Variants in ZNF804B observed in about 807,000 individuals in gnomAD.
ZNF804B encodes the protein zinc finger 804B.
In ZNF804B, 80 loss-of-function variants were observed where a neutral mutation model predicts 101.4. That is an observed-to-expected ratio of 0.79 (90% CI 0.66 to 0.95). The LOEUF is 0.95. Ranked by LOEUF, ZNF804B falls within the 40% of genes least tolerant of loss-of-function variation. The pLI is 0.00. For missense variants in ZNF804B, 1,673 were observed against 1,561.9 expected (o/e 1.07, Z -1.20); for synonymous variants, 622 against 558.8 (o/e 1.11, Z -1.59).
intron 1 of ZNF804B, among the ~76,000 whole-genome samples, chr7:89,176,591 C>CTTTTTTTTTTTTTTTTTTTTTTTTTTT (rs35866405): frequency 5.6e-5 from 4 of 71,940 alleles, no homozygotes; most frequent in Admixed American, 3.4e-4. Flanking sequence ...TTCTTTCTTT[C>CTTTTTTTTTTTTTTTTTTTTTTTTTTT]TTTTTTTTTT....
intron 1 of ZNF804B, among the ~76,000 whole-genome samples, chr7:89,084,974 G>T (rs1789766853): frequency 6.6e-6 from 1 of 151,760 alleles, no homozygotes; most frequent in Non-Finnish European, 1.5e-5. Context: ...ATTACTGAAA[G>T]AAAAAGACAA....
intron 1 of ZNF804B, among the ~76,000 whole-genome samples, chr7:88,856,966 C>G (rs1473526030): frequency 2.6e-5 from 4 of 152,104 alleles, no homozygotes; most frequent in South Asian, 2.1e-4. Flanking sequence ...CCCACTTGAT[C>G]ATGGTGGATA....
At chr7:88,924,552 G>C (rs1792768162) in intron 1 of ZNF804B, among the ~76,000 whole-genome samples, 1 of 151,996 alleles carries the variant, frequency 6.6e-6, no homozygotes, top group African/African-American at 2.4e-5. Flanking sequence ...TATACCCCCT[G>C]CATTTACTTC....
intron 1 of ZNF804B, among the ~76,000 whole-genome samples, chr7:89,069,353 G>C (rs1789500734): frequency 6.6e-6 from 1 of 152,130 alleles, no homozygotes; most frequent in African/African-American, 2.4e-5. Context: ...TCTCAAATGA[G>C]ACTATGTATG....
At chr7:89,224,382 A>T (rs1789049516) in intron 2 of ZNF804B, among the ~76,000 whole-genome samples, 1 of 152,044 alleles carries the variant, frequency 6.6e-6, no homozygotes, top group South Asian at 2.1e-4. Context: ...CTTGCTCTGG[A>T]TAACATATCA....
At position 88,845,032 on chromosome 7, in the gene ZNF804B, C is replaced by T. The variant is rs536189382; in HGVS notation, c.108+84948C>T. Among the ~76,000 whole-genome samples, 6 of 152,240 alleles carry T rather than the reference C, an allele frequency of 3.9e-5. No homozygotes were observed. In the South Asian group the frequency reaches 1.0e-3, roughly 26 times the overall value. On this transcript the variant is annotated intron_variant, in intron 1 of 3. Transcript: ENST00000333190. ...TTTATTTTTAAAAGAACTTAGTTTC[C>T]TCCTTCTTTCCAATCCCATGAAGAT...
chr7:89,272,308 C>T (rs1258310333), intron 2 of ZNF804B, among the ~76,000 whole-genome samples: 1 of 152,054 alleles, frequency 6.6e-6, no homozygotes. Context: ...TTTGATCATA[C>T]TTAATTTATT....
intron 1 of ZNF804B, among the ~76,000 whole-genome samples, chr7:89,162,415 C>A (rs1429746677): frequency 6.6e-6 from 1 of 151,716 alleles, no homozygotes; most frequent in Non-Finnish European, 1.5e-5. Context: ...AGCTTTTGAC[C>A]CAAAAATAGA....
At chr7:89,274,877 C>T (rs1789954724) in intron 2 of ZNF804B, among the ~76,000 whole-genome samples, 2 of 151,852 alleles carry the variant, frequency 1.3e-5, no homozygotes, top group Non-Finnish European at 2.9e-5. Flanking sequence ...ATCTCCCATC[C>T]TCCAAATATT....
At chr7:89,189,332 A>T (rs574436959) in intron 1 of ZNF804B, among the ~76,000 whole-genome samples, 1 of 152,260 alleles carries the variant, frequency 6.6e-6, no homozygotes, top group South Asian at 2.1e-4. Context: ...AAGAGCTCTG[A>T]TGAAGATGTA....
chr7:89,134,176 T>C (rs1388661265), intron 1 of ZNF804B, among the ~76,000 whole-genome samples: 1 of 152,152 alleles, frequency 6.6e-6, no homozygotes, highest in Non-Finnish European at 1.5e-5. Context: ...GGCAACATTT[T>C]GTAGACTTGT....
At chr7:89,233,008 G>A (rs1053652135) in intron 2 of ZNF804B, among the ~76,000 whole-genome samples, 3 of 152,072 alleles carry the variant, frequency 2.0e-5, no homozygotes, top group Admixed American at 6.6e-5. Flanking sequence ...TGCAAGCTCC[G>A]CCTCCCGGGT....
intron 1 of ZNF804B, among the ~76,000 whole-genome samples, chr7:88,863,811 G>T (rs1316566890): frequency 6.6e-6 from 1 of 152,182 alleles, no homozygotes; most frequent in Non-Finnish European, 1.5e-5. Flanking sequence ...TGTCTGTCTG[G>T]AGGCAGAAAC....
intron 1 of ZNF804B, among the ~76,000 whole-genome samples, chr7:88,776,706 C>T (rs1196499500): frequency 1.3e-5 from 2 of 150,278 alleles, no homozygotes; most frequent in African/African-American, 4.9e-5. Flanking sequence ...TGCTGGGAAG[C>T]ATCCAACCTC....
chr7:89,017,831 A>G (rs868578321), intron 1 of ZNF804B, among the ~76,000 whole-genome samples: 1 of 152,008 alleles, frequency 6.6e-6, no homozygotes, highest in African/African-American at 2.4e-5. Context: ...TTGTTTGTGT[A>G]TAGAAATTAT....
At chr7:89,197,519 G>C (rs1202980247) in intron 1 of ZNF804B, among the ~76,000 whole-genome samples, 1 of 151,594 alleles carries the variant, frequency 6.6e-6, no homozygotes, top group Non-Finnish European at 1.5e-5. Context: ...TCTTCCATTG[G>C]CTGTTTGATT....
Position 88,913,186 on chromosome 7 carries a change from GCT to G in ZNF804B, c.108+153103_108+153104del, listed in dbSNP as rs1792575380. 3.3e-5 allele frequency among the ~76,000 whole-genome samples: 5 copies of G among 152,112 alleles called. No individual in the cohort carries two copies. In the South Asian group the frequency reaches 1.0e-3, roughly 32 times the overall value. Reference sequence around the variant, plus strand: ...TTCTCATTTATTTAATTTTCACTTTGCTGTATGATTCCTACCAGTTAAGACAG... The same window carrying G: ...TTCTCATTTATTTAATTTTCACTTTGGTATGATTCCTACCAGTTAAGACAG... On this transcript the variant is annotated intron_variant, in intron 1 of 3. Coordinates refer to ENST00000333190, the MANE Select transcript of ZNF804B (RefSeq NM_181646.5).
intron 1 of ZNF804B, among the ~76,000 whole-genome samples, chr7:88,790,948 A>G (rs1790371327): frequency 6.6e-6 from 1 of 152,156 alleles, no homozygotes; most frequent in Non-Finnish European, 1.5e-5. Flanking sequence ...AAGACATTAT[A>G]TCAGTGACCT....
At chr7:88,794,287 T>G in intron 1 of ZNF804B, 2 of 1,613,864 alleles carry the variant, frequency 1.2e-6, no homozygotes, top group Non-Finnish European at 1.7e-6. Context: ...TTCTTCGGAT[T>G]TGCACAAGTA....
Sources: gnomAD v4.1 joint callset for allele counts (sites outside exome capture counted in the v4.1 genomes callset) on GRCh38, gnomAD v4.1.1 for gene constraint, MANE v1.5 for transcripts, NCBI Gene and HGNC (gene_info 2026-07-23, HGNC 2026-07-21) for gene names.